STK32A: variants seen among roughly 807,000 people sequenced by gnomAD.
STK32A encodes the protein serine/threonine-protein kinase 32A.
In STK32A, 41 loss-of-function variants were observed where a neutral mutation model predicts 53.2. The ratio of observed to expected loss-of-function variants is 0.77; its 90% confidence interval spans 0.60 to 1.00. The LOEUF is 1.00. STK32A is among the 50% of genes least tolerant of loss of function. STK32A has a pLI of 0.00. For synonymous variants in STK32A, 166 were observed against 162.8 expected, an observed-to-expected ratio of 1.02 and a Z score of -0.15; for missense variants, 458 against 485.8, an observed-to-expected ratio of 0.94 and a Z score of 0.54.
At chr5:147,338,256 T>C (rs1407138197) in intron 5 of STK32A, among the ~76,000 whole-genome samples, 3 of 152,104 alleles carry the variant, frequency 2.0e-5, no homozygotes, top group South Asian at 2.1e-4. Context: ...TCATGAGATA[T>C]GATGGTTTTA....
chr5:147,359,999 G>A (rs890899933), intron 7 of STK32A, among the ~76,000 whole-genome samples: 74 of 152,188 alleles, frequency 4.9e-4, no homozygotes, highest in African/African-American at 1.7e-3. Flanking sequence ...TATACAGGAG[G>A]CTTGGGATCA....
At position 147,278,110 on chromosome 5, in the gene STK32A, T is replaced by C. The variant is rs1398552856; in HGVS notation, c.53-14T>C. 3.2e-6 allele frequency: 5 copies of C among 1,577,888 alleles called. No individual in the cohort carries two copies. In the East Asian group the frequency reaches 9.1e-5, roughly 29 times the overall value. On this transcript the variant is annotated splice_polypyrimidine_tract_variant and intron_variant, in intron 2 of 12. Coordinates refer to ENST00000397936, the MANE Select transcript of STK32A (RefSeq NM_001112724.2). ...TGATAATTACTCATGATATTCTTCT[T>C]TTTTGTTTTACAGTCAACTTTGACC...
At chr5:147,293,660 A>G (rs910140550) in intron 4 of STK32A, among the ~76,000 whole-genome samples, 1 of 152,090 alleles carries the variant, frequency 6.6e-6, no homozygotes. Context: ...AAAAACTTTT[A>G]CTATTTGGTA....
chr5:147,324,781 A>G (rs987587548), intron 5 of STK32A, among the ~76,000 whole-genome samples: 1 of 152,222 alleles, frequency 6.6e-6, no homozygotes. Flanking sequence ...GCTTGTATAC[A>G]TTAAATTATC....
At chr5:147,350,935 G>A (rs150952972) in intron 6 of STK32A, 130 bp from the exon 7 acceptor site, 15 of 691,364 alleles carry the variant, frequency 2.2e-5, no homozygotes, top group South Asian at 1.7e-4. Flanking sequence ...AGACCATATC[G>A]GCCTTGAGGA....
At chr5:147,314,978 G>A (rs1214804778) in intron 4 of STK32A, among the ~76,000 whole-genome samples, 3 of 151,914 alleles carry the variant, frequency 2.0e-5, no homozygotes, top group Non-Finnish European at 4.4e-5. Flanking sequence ...CTCCTGGGTT[G>A]AAGCAATCTT....
intron 7 of STK32A, among the ~76,000 whole-genome samples, chr5:147,354,084 A>G (rs555872834): frequency 1.3e-5 from 2 of 151,338 alleles, no homozygotes; most frequent in Admixed American, 6.6e-5. Context: ...CTTCTATGAG[A>G]AAAAAAAATG....
chr5:147,340,644 C>T (rs1028877304), intron 5 of STK32A, among the ~76,000 whole-genome samples: 1 of 152,154 alleles, frequency 6.6e-6, no homozygotes, highest in Non-Finnish European at 1.5e-5. Flanking sequence ...TTTGGAGAAA[C>T]TATATAGTTA....
At chr5:147,364,387 A>T (rs533707097) in intron 8 of STK32A, among the ~76,000 whole-genome samples, 1 of 152,026 alleles carries the variant, frequency 6.6e-6, no homozygotes, top group Non-Finnish European at 1.5e-5. Flanking sequence ...TTTCTGTCAG[A>T]CCTCACCAGA....
the STK32A span, among the ~76,000 whole-genome samples, chr5:147,395,984 G>A: frequency 6.6e-6 from 1 of 152,128 alleles, no homozygotes; most frequent in African/African-American, 2.4e-5. Context: ...TATGGGGTTG[G>A]GGTTGCCAGA....
chr5:147,277,361 G>A (rs1371001081), intron 2 of STK32A, among the ~76,000 whole-genome samples: 1 of 152,018 alleles, frequency 6.6e-6, no homozygotes, highest in Non-Finnish European at 1.5e-5. Flanking sequence ...CACGAGCATT[G>A]ACTCAAAAAA....
At chr5:147,317,143 CAA>C (rs58355621) in intron 4 of STK32A, among the ~76,000 whole-genome samples, 35,681 of 130,872 alleles carry the variant, frequency 0.27, 4,453 homozygotes, top group Middle Eastern at 0.33. Context: ...ATAGTTTTGC[CAA>C]AAAAAAAAAA....
rs950935550 is a variant in STK32A, at chr5:147,387,501, A to T, written c.*3518A>T. On this transcript the variant is annotated 3_prime_UTR_variant, in exon 13 of 13. Transcript: ENST00000397936. ...AAGAGTATTAATGTAGCTAGTAGGG[A>T]CCAGTGTTGCTGCTTGTGGCTGAGG... 1 of 152,244 alleles carries T rather than the reference A, an allele frequency of 6.6e-6. No homozygotes were observed. The highest frequency in any genetic ancestry group is 1.5e-5 in the Non-Finnish European group (1 of 68,052). The allele number at this position is 152,244 out of a possible 1,614,324, so 9.4% of individuals were successfully genotyped here.
intron 4 of STK32A, among the ~76,000 whole-genome samples, chr5:147,286,311 A>G (rs1295608766): frequency 2.0e-5 from 3 of 152,086 alleles, no homozygotes; most frequent in East Asian, 1.9e-4. Flanking sequence ...CAAGACTACA[A>G]ATGTGGTGTA....
intron 4 of STK32A, among the ~76,000 whole-genome samples, chr5:147,315,710 T>C (rs1479604269): frequency 3.9e-5 from 6 of 152,150 alleles, no homozygotes; most frequent in Admixed American, 3.9e-4. Flanking sequence ...TTAAAGTGGT[T>C]AAAATGATAA....
At chr5:147,395,649 C>A in the STK32A span, 6 of 1,614,120 alleles carry the variant, frequency 3.7e-6, no homozygotes, top group East Asian at 4.5e-5. Flanking sequence ...GGGGTGCCAC[C>A]TTTGGGGGTG....
chr5:147,348,854 C>A, intron 6 of STK32A: 1 of 667,484 alleles, frequency 1.5e-6, no homozygotes, highest in South Asian at 1.6e-5. Flanking sequence ...CTCCTGTAAT[C>A]ATTCTTTCAT....
intron 12 of STK32A, 148 bp downstream of exon 12, chr5:147,383,653 C>T: frequency 1.2e-6 from 1 of 857,728 alleles, no homozygotes; most frequent in Non-Finnish European, 1.7e-6. Context: ...ATGTAGAAAC[C>T]TTTTTTGTAA....
downstream of STK32A, among the ~76,000 whole-genome samples, chr5:147,389,285 G>A (rs963029729): frequency 2.0e-5 from 3 of 152,128 alleles, no homozygotes; most frequent in Admixed American, 2.0e-4. Flanking sequence ...CCACAGCCAC[G>A]GCTCTTTTTG....
Sources: allele counts gnomAD v4.1 joint callset (sites outside exome capture counted in the v4.1 genomes callset), GRCh38; gene constraint gnomAD v4.1.1; transcripts MANE v1.5; gene names NCBI Gene and HGNC (gene_info 2026-07-23, HGNC 2026-07-21).